Variants in TANC1 observed in about 807,000 individuals in gnomAD.
The protein encoded by TANC1 is protein TANC1.
TANC1 carries 77 observed loss-of-function variants against 149.7 expected under a neutral mutation model. The ratio of observed to expected loss-of-function variants is 0.51; its 90% CI spans 0.43 to 0.62. TANC1 has a LOEUF of 0.62. TANC1 is among the 20% of genes least tolerant of loss of function. The probability of loss-of-function intolerance (pLI) is 0.00; values close to 1 mark genes in which losing one functional copy is unlikely to be tolerated. For missense variants in TANC1, 1,985 were observed against 2,321.8 expected (o/e 0.85, Z 2.98); for synonymous variants, 854 against 925.0 (o/e 0.92, Z 1.39).
intron 1 of TANC1, among the ~76,000 whole-genome samples, chr2:158,993,126 A>AT (rs1225751590): frequency 6.6e-6 from 1 of 152,220 alleles, no homozygotes; most frequent in Admixed American, 6.5e-5. Context: ...GTAGGTAAAT[A>AT]TGAGCAGTTT....
At chr2:159,004,111 C>G in intron 2 of TANC1, 1 of 1,611,932 alleles carries the variant, frequency 6.2e-7, no homozygotes, top group Non-Finnish European at 8.5e-7. Context: ...ACTGGTCATG[C>G]AGAAGCCAAA....
rs776363480 is a variant in TANC1 at position 159,199,001 on chromosome 2, G to A, written c.3192G>A (p.Glu1064=). 2 of 1,614,070 alleles carry A rather than the reference G, an allele frequency of 1.2e-6. No homozygotes were observed. ...SSVVQCLLGM[E]KEHEVEVNGT... The stretch of plus-strand genomic sequence containing the variant: ...TGGTCCAGTGCTTGCTGGGGATGGA[G>A]AAGGAACATGAAGTAGAAGTCAATG... Residue 1064 remains glutamate (E), a synonymous_variant, in exon 19 of 27, where the codon GAG becomes GAA. Transcript: ENST00000263635.
At position 159,136,047 on chromosome 2, in the gene TANC1, T is replaced by TGTGTGTGTGTGTGCGC. The variant is rs1457762905; in HGVS notation, c.260-144_260-143insTGTGTGTGTGCGCGTG. 7.5e-4 allele frequency: 159 copies of TGTGTGTGTGTGTGCGC among 211,268 alleles called. 16 individuals carry two copies. The highest frequency in any genetic ancestry group is 3.5e-3 in the South Asian group (93 of 26,732). 13.1% of individuals were successfully genotyped at this position (211,268 alleles called of 1,614,324 possible). On this transcript the variant is annotated intron_variant, in intron 4 of 26. Coordinates refer to ENST00000263635, the MANE Select transcript of TANC1 (RefSeq NM_033394.3). ...GTGTGTGTGTGTGTGTGTGTGTGTG[T>TGTGTGTGTGTGTGCGC]GTGCGCGCGCGCGCGTTTAAGGGAG...
At chr2:159,186,169 A>C (rs1051592417) in intron 15 of TANC1, among the ~76,000 whole-genome samples, 1 of 152,110 alleles carries the variant, frequency 6.6e-6, no homozygotes, top group East Asian at 1.9e-4. Flanking sequence ...ATCTCTGATA[A>C]GTTTCTTTTT....
In TANC1 at chr2:159,232,176, G is replaced by A. The variant is rs1189982135; in HGVS notation, c.*1164G>A. 2 of 152,586 alleles carry A rather than the reference G, an allele frequency of 1.3e-5. No individual in the cohort carries two copies. Among genetic ancestry groups the A allele is most frequent in the Non-Finnish European group, 1.5e-5 (1 of 68,018 alleles). The allele number at this position is 152,586 out of a possible 1,614,324, so 9.5% of individuals were successfully genotyped here. The stretch of plus-strand genomic sequence containing the variant: ...TGAACACCTTTGAGGTGCTACTTAA[G>A]TCCAAGCTCTGATGTATTATTCATT... On this transcript the variant is annotated 3_prime_UTR_variant, in exon 27 of 27. Transcript: ENST00000263635.
chr2:159,095,670 A>G (rs549721698), intron 3 of TANC1, among the ~76,000 whole-genome samples: 2 of 146,692 alleles, frequency 1.4e-5, no homozygotes, highest in East Asian at 2.0e-4. Flanking sequence ...CAGGAGGTGG[A>G]CGTTGCAGTG....
intron 1 of TANC1, among the ~76,000 whole-genome samples, chr2:158,986,595 T>C (rs916397541): frequency 7.2e-5 from 11 of 152,172 alleles, no homozygotes; most frequent in African/African-American, 2.7e-4. Context: ...GGATCTGCAC[T>C]CATGTCAAGC....
In TANC1 at chr2:159,003,982, T is replaced by A. The variant is rs944146907; in HGVS notation, c.-16+2793T>A. 9 of 1,612,336 alleles carry A rather than the reference T, an allele frequency of 5.6e-6. No homozygotes were observed. In the Admixed American group the frequency reaches 1.0e-4, roughly 18 times the overall value. ...AGCTTCAGAGTTCTCTAAAAAAAAC[T>A]GGCTGTGAATAATATAGCTGGTATT... On this transcript the variant is annotated intron_variant, in intron 2 of 26. Coordinates refer to ENST00000263635, the MANE Select transcript of TANC1 (RefSeq NM_033394.3).
chr2:159,081,457 G>A (rs556572961), intron 3 of TANC1, among the ~76,000 whole-genome samples: 1 of 152,060 alleles, frequency 6.6e-6, no homozygotes, highest in Admixed American at 6.5e-5. Flanking sequence ...TGAGAATGTG[G>A]CAGGGACTGG....
chr2:158,984,625 A>G (rs953347649), intron 1 of TANC1, among the ~76,000 whole-genome samples: 2 of 152,160 alleles, frequency 1.3e-5, no homozygotes, highest in Non-Finnish European at 2.9e-5. Context: ...CTGAGGAGAC[A>G]AGTGCACACA....
intron 2 of TANC1, among the ~76,000 whole-genome samples, chr2:159,037,494 A>G (rs2040288193): frequency 6.6e-6 from 1 of 152,214 alleles, no homozygotes; most frequent in Admixed American, 6.5e-5. Flanking sequence ...TTTAGGTCTA[A>G]CATTTAAGTC....
At chr2:159,066,893 C>T (rs1006898305) in intron 3 of TANC1, among the ~76,000 whole-genome samples, 1 of 152,180 alleles carries the variant, frequency 6.6e-6, no homozygotes, top group Non-Finnish European at 1.5e-5. Flanking sequence ...CACTGGTACA[C>T]CATTTTTCTC....
At chr2:159,121,644 A>G (rs1574808248) in intron 4 of TANC1, among the ~76,000 whole-genome samples, 1 of 152,386 alleles carries the variant, frequency 6.6e-6, no homozygotes, top group Non-Finnish European at 1.5e-5. Flanking sequence ...AGGCAATAGC[A>G]TAATTCATTA....
At chr2:158,976,415 G>C (rs551277626) in intron 1 of TANC1, among the ~76,000 whole-genome samples, 2 of 152,174 alleles carry the variant, frequency 1.3e-5, no homozygotes, top group East Asian at 3.9e-4. Context: ...TACATTTATG[G>C]CTAGATTATC....
chr2:159,082,075 T>G (rs1462153740), intron 3 of TANC1, among the ~76,000 whole-genome samples: 1 of 152,218 alleles, frequency 6.6e-6, no homozygotes, highest in African/African-American at 2.4e-5. Context: ...CTCTGCCCCA[T>G]CTGGGGGTGC....
intron 7 of TANC1, among the ~76,000 whole-genome samples, chr2:159,152,960 C>T (rs974459991): frequency 1.3e-4 from 19 of 151,780 alleles, no homozygotes; most frequent in African/African-American, 4.6e-4. Context: ...TAATCTCATA[C>T]AGCCCTACCC....
chr2:159,101,358 A>C (rs2046682476), intron 4 of TANC1, among the ~76,000 whole-genome samples: 1 of 152,234 alleles, frequency 6.6e-6, no homozygotes, highest in East Asian at 1.9e-4. Context: ...AATACAATTG[A>C]TGATTACTTC....
intron 4 of TANC1, among the ~76,000 whole-genome samples, chr2:159,127,316 G>A (rs1290460652): frequency 2.0e-5 from 3 of 152,218 alleles, no homozygotes; most frequent in African/African-American, 7.2e-5. Flanking sequence ...AGAAACAGAT[G>A]CTCGTGAGGC....
chr2:159,174,750 T>G (rs1291762438), intron 11 of TANC1, among the ~76,000 whole-genome samples: 1 of 152,206 alleles, frequency 6.6e-6, no homozygotes, highest in Non-Finnish European at 1.5e-5. Flanking sequence ...GATGGCTTTG[T>G]GGATGCAGTT....
Sources: allele counts gnomAD v4.1 joint callset (sites outside exome capture counted in the v4.1 genomes callset), GRCh38; gene constraint gnomAD v4.1.1; transcripts MANE v1.5; gene names NCBI Gene and HGNC (gene_info 2026-07-23, HGNC 2026-07-21).